The following ZNF585B variants were observed in gnomAD, a reference collection of about 807,000 sequenced individuals.
ZNF585B encodes the protein zinc finger protein 41-like protein.
Under a neutral mutation model 14.0 loss-of-function variants are expected in ZNF585B, and 7 were observed. The observed-to-expected ratio is 0.50, with a 90% confidence interval of 0.28 to 0.94. The LOEUF (loss-of-function observed/expected upper bound fraction) is 0.94, where lower values mean the gene tolerates loss of function less well. ZNF585B is among the 40% of genes least tolerant of loss of function. ZNF585B has a pLI of 0.09. For synonymous variants in ZNF585B, 290 were observed against 317.3 expected (o/e 0.91, Z 0.91); for missense variants, 750 against 924.4 (o/e 0.81, Z 2.45).
intron 2 of ZNF585B, among the ~76,000 whole-genome samples, chr19:37,193,391 A>G (rs1458009480): frequency 6.6e-6 from 1 of 151,756 alleles, no homozygotes; most frequent in African/African-American, 2.4e-5. Context: ...GAATGGCGTG[A>G]ACCCGGGAGG....
At chr19:37,204,055 C>T (rs899202104) in intron 2 of ZNF585B, among the ~76,000 whole-genome samples, 2 of 152,064 alleles carry the variant, frequency 1.3e-5, no homozygotes, top group Non-Finnish European at 2.9e-5. Flanking sequence ...ATAAAATGGC[C>T]AATATTGCAT....
At chr19:37,209,404 G>A (rs1024609724) in intron 1 of ZNF585B, among the ~76,000 whole-genome samples, 1 of 151,900 alleles carries the variant, frequency 6.6e-6, no homozygotes, top group African/African-American at 2.4e-5. Flanking sequence ...GGCCCGGTCA[G>A]TCATATCTAG....
intron 1 of ZNF585B, among the ~76,000 whole-genome samples, chr19:37,209,723 C>CTTTTTTTTTTTTTTTTTTTTTT: frequency 8.5e-6 from 1 of 118,000 alleles, no homozygotes. Context: ...AAGTGCACTT[C>CTTTTTTTTTTTTTTTTTTTTTT]TTTTTTTTTT....
At position 37,190,056 on chromosome 19, in the gene ZNF585B, A is replaced by C. The variant is rs200361891; in HGVS notation, c.167T>G (p.Met56Arg). 6.2e-7 allele frequency: 1 copy of C among 1,614,110 alleles called. No homozygotes were observed. Among genetic ancestry groups the C allele is most frequent in the Non-Finnish European group, 8.5e-7 (1 of 1,180,018 alleles). The change falls in exon 3 of 5, where the codon ATG (methionine) becomes AGG (arginine). Residue 56 changes from methionine (M) to arginine (R), a missense_variant. This residue lies in a region of ZNF585B where 517 missense variants were observed against 570.3 expected (regional missense o/e 0.91). Coordinates refer to ENST00000532828, the MANE Select transcript of ZNF585B (RefSeq NM_152279.4). ...LSQRNLYRDVMLETYSHLLSV... is the reference protein window; with the variant it reads ...LSQRNLYRDVRLETYSHLLSV... Reference sequence around the variant, plus strand: ...GAGCAGGTGGCTGTAGGTCTCCAGCATCACATCCCGGTACAGGTTTCTCTG... The same window carrying C: ...GAGCAGGTGGCTGTAGGTCTCCAGCCTCACATCCCGGTACAGGTTTCTCTG...
At chr19:37,191,782 C>T (rs1340180446) in intron 2 of ZNF585B, among the ~76,000 whole-genome samples, 1 of 152,036 alleles carries the variant, frequency 6.6e-6, no homozygotes, top group African/African-American at 2.4e-5. Flanking sequence ...GCCTGTAATC[C>T]CATCACTTTG....
In ZNF585B at chr19:37,186,140, T is replaced by C; in HGVS notation, c.1397A>G (p.Tyr466Cys). The change falls in exon 5 of 5, where the codon TAT (tyrosine) becomes TGT (cysteine). Residue 466 changes from tyrosine to cysteine, a missense_variant. Physicochemically the swap from Tyr to Cys is radical, Grantham distance 194. This residue lies in a region of ZNF585B where 517 missense variants were observed against 570.3 expected (regional missense o/e 0.91). Transcript: ENST00000532828. Reference sequence around the variant, plus strand: ...TGCCTTCCCACATTTATTGCATACATAGGGCTTTTCTCCTGTGTGAATTCG... The same window carrying C: ...TGCCTTCCCACATTTATTGCATACACAGGGCTTTTCTCCTGTGTGAATTCG... Reference protein sequence around the residue: ...HKRIHTGEKPYVCNKCGKAFT... With the variant: ...HKRIHTGEKPCVCNKCGKAFT... The C allele has an allele frequency of 2.5e-6, 4 of 1,614,222 alleles. No individual in the cohort carries two copies. The highest frequency in any genetic ancestry group is 1.3e-5 in the African/African-American group (1 of 75,058).
intron 1 of ZNF585B, among the ~76,000 whole-genome samples, chr19:37,209,232 G>A (rs1972619808): frequency 6.6e-6 from 1 of 151,986 alleles, no homozygotes; most frequent in South Asian, 2.1e-4. Flanking sequence ...AGCCTCCCGA[G>A]TAGTTGGGAT....
Position 37,186,365 on chromosome 19 carries a change from A to T in ZNF585B, c.1172T>A (p.Phe391Tyr), listed in dbSNP as rs1488790804. The T allele has an allele frequency of 6.2e-7, 1 of 1,614,020 alleles. No individual in the cohort carries two copies. Among genetic ancestry groups the T allele is most frequent in the Non-Finnish European group, 8.5e-7 (1 of 1,180,034 alleles). ...CACTGTGAGTGCTGACTTCTGAGTG[A>T]AGGCTCTCCCACAGTCACTGCATTC... ...PYECSDCGRA[F>Y]TQKSALTVHQ... Residue 391 changes from phenylalanine (F) to tyrosine (Y), a missense_variant, in exon 5 of 5, where the codon TTC (phenylalanine) becomes TAC (tyrosine). This residue lies in a region of ZNF585B where 517 missense variants were observed against 570.3 expected (regional missense o/e 0.91). Transcript: ENST00000532828.
At chr19:37,200,328 GA>G (rs1270547015) in intron 2 of ZNF585B, among the ~76,000 whole-genome samples, 1 of 151,668 alleles carries the variant, frequency 6.6e-6, no homozygotes, top group African/African-American at 2.4e-5. Context: ...GAGGTGGGTA[GA>G]TCATGAGGTC....
rs976164222 is a variant in ZNF585B, at chr19:37,181,716, C to T, written c.*3511G>A. On this transcript the variant is annotated 3_prime_UTR_variant, in exon 5 of 5. Coordinates refer to ENST00000532828, the MANE Select transcript of ZNF585B (RefSeq NM_152279.4). ...AATGAGAAAAAAAAAAAAAAAAGAG[C>T]TAGCAAGCTACGAAAAGACATGGAA... 6.8e-6 allele frequency: 1 copy of T among 148,146 alleles called. No homozygotes were observed. Among genetic ancestry groups the T allele is most frequent in the South Asian group, 2.1e-4 (1 of 4,720 alleles). 9.2% of individuals were successfully genotyped at this position (148,146 alleles called of 1,614,324 possible).
intron 2 of ZNF585B, chr19:37,199,431 G>T (rs1243308578): frequency 1.2e-5 from 4 of 329,190 alleles, no homozygotes; most frequent in Admixed American, 3.0e-5. Flanking sequence ...AGGCTAAGGT[G>T]GGGGGATCGA....
intron 2 of ZNF585B, among the ~76,000 whole-genome samples, chr19:37,205,894 A>G (rs1972579850): frequency 1.3e-5 from 2 of 151,694 alleles, no homozygotes; most frequent in Non-Finnish European, 2.9e-5. Flanking sequence ...AGCGTGGCCC[A>G]GATGGTGAAA....
At position 37,186,300 on chromosome 19, in the gene ZNF585B, T is replaced by G. The variant is rs765953822; in HGVS notation, c.1237A>C (p.Met413Leu). Residue 413 changes from methionine to leucine, a missense_variant, in exon 5 of 5, where the codon ATG becomes CTG. Met to Leu is a conservative substitution (Grantham distance 15). Transcript: ENST00000532828. The part of the protein sequence containing the change: ...IHTGEKSYIC[M>L]KCGLAFIRKA... Reference sequence around the variant, plus strand: ...CGGATGAAGGCCAGTCCACATTTCATGCATATATACGATTTTTCTCCTGTA... The same window carrying G: ...CGGATGAAGGCCAGTCCACATTTCAGGCATATATACGATTTTTCTCCTGTA... 8.7e-6 allele frequency: 14 copies of G among 1,613,932 alleles called. No individual in the cohort carries two copies. The highest frequency in any genetic ancestry group is 8.5e-7 in the Non-Finnish European group (1 of 1,179,936).
rs1334355651 is a variant in ZNF585B, at chr19:37,185,468, T to C, written c.2069A>G (p.Tyr690Cys). The change falls in exon 5 of 5, where the codon TAT (tyrosine) becomes TGT (cysteine). Residue 690 changes from tyrosine to cysteine, a missense_variant. By Grantham distance (194) the Tyr-to-Cys change is radical (BLOSUM62 -2). Around this residue, in one of 2 missense-constraint regions of ZNF585B, gnomAD observed 233 missense variants for 354.1 expected, o/e 0.66. Transcript: ENST00000532828. Reference sequence around the variant, plus strand: ...AGACTTCCCACAGTCACTGCACTCATAAGGTTTCTCTCCAGTATGAATTCT... The same window carrying C: ...AGACTTCCCACAGTCACTGCACTCACAAGGTTTCTCTCCAGTATGAATTCT... ...HHRIHTGEKP[Y>C]ECSDCGKSFT... 2 of 1,612,546 alleles carry C rather than the reference T, an allele frequency of 1.2e-6. No homozygotes were observed. Among genetic ancestry groups the C allele is most frequent in the African/African-American group, 2.7e-5 (2 of 74,636 alleles).
chr19:37,192,544 C>T (rs1363939008), intron 2 of ZNF585B, among the ~76,000 whole-genome samples: 1 of 151,510 alleles, frequency 6.6e-6, no homozygotes, highest in Admixed American at 6.6e-5. Context: ...GGCGCAGTGG[C>T]TCATGCCTGT....
At position 37,190,105 on chromosome 19, in the gene ZNF585B, C is replaced by T; in HGVS notation, c.118G>A (p.Glu40Lys). The T allele has an allele frequency of 6.2e-7, 1 of 1,614,182 alleles. No individual in the cohort carries two copies. The change falls in exon 3 of 5, where the codon GAA (glutamate) becomes AAA (lysine). Residue 40 changes from glutamate to lysine, a missense_variant. Transcript: ENST00000532828. Reference sequence around the variant, plus strand: ...TGAGAAAGGTCCAGGTGCCGCCATTCCTCTCTGCTGAAATCGATAGCCACA... The same window carrying T: ...TGAGAAAGGTCCAGGTGCCGCCATTTCTCTCTGCTGAAATCGATAGCCACA... Reference protein sequence around the residue: ...RDVAIDFSREEWRHLDLSQRN... With the variant: ...RDVAIDFSREKWRHLDLSQRN...
At position 37,186,045 on chromosome 19, in the gene ZNF585B, T is replaced by G; in HGVS notation, c.1492A>C (p.Lys498Gln). ...CTCTGGGTGAAGGCCTTTCCACATT[T>G]GGAACATATATAAGATTTCTCTCCT... ...HTGEKSYICS[K>Q]CGKAFTQRSD... The change falls in exon 5 of 5, where the codon AAA (lysine) becomes CAA (glutamine). Residue 498 changes from lysine (K) to glutamine (Q), a missense_variant. By Grantham distance (53) the Lys-to-Gln change is moderately conservative. This residue lies in a region of ZNF585B where 233 missense variants were observed against 354.1 expected (regional missense o/e 0.66). Coordinates refer to ENST00000532828, the MANE Select transcript of ZNF585B (RefSeq NM_152279.4). 1 of 1,613,968 alleles carries G rather than the reference T, an allele frequency of 6.2e-7. No homozygotes were observed. Among genetic ancestry groups the G allele is most frequent in the Non-Finnish European group, 8.5e-7 (1 of 1,179,968 alleles).
At chr19:37,190,228 TG>T (rs1972385050) in intron 2 of ZNF585B, 78 bp from the exon 3 acceptor site, 2 of 1,564,228 alleles carry the variant, frequency 1.3e-6, no homozygotes, top group Admixed American at 3.9e-5. Flanking sequence ...TTACGGAACA[TG>T]GGTTTTGTTG....
intron 1 of ZNF585B, among the ~76,000 whole-genome samples, chr19:37,209,314 G>A (rs933357814): frequency 6.6e-6 from 1 of 152,066 alleles, no homozygotes; most frequent in African/African-American, 2.4e-5. Context: ...TGTTGGCCAG[G>A]CTGGTCTCGA....
Sources: allele counts gnomAD v4.1 joint callset (sites outside exome capture counted in the v4.1 genomes callset), GRCh38; gene constraint gnomAD v4.1.1; regional missense constraint gnomAD v4.1.1; transcripts MANE v1.5; gene names NCBI Gene and HGNC (gene_info 2026-07-23, HGNC 2026-07-21).